Variants in FMNL2 observed in about 807,000 individuals in gnomAD.
The protein encoded by FMNL2 is formin-like protein 2.
In FMNL2, 51 loss-of-function variants were observed where a neutral mutation model predicts 130.2. The ratio of observed to expected loss-of-function variants is 0.39; its 90% CI spans 0.31 to 0.49. The LOEUF is 0.49. Ranked by LOEUF, FMNL2 falls within the 20% of genes least tolerant of loss-of-function variation. The pLI, the probability that FMNL2 is intolerant of heterozygous loss-of-function variation, is 0.85. For missense variants in FMNL2, 977 were observed against 1,316.2 expected, an observed-to-expected ratio of 0.74 and a Z score of 3.99; for synonymous variants, 465 against 467.1, an observed-to-expected ratio of 1.00 and a Z score of 0.06.
At chr2:152,549,169 A>G (rs1414615934) in intron 4 of FMNL2, 72 bp downstream of exon 4, 21 of 1,094,234 alleles carry the variant, frequency 1.9e-5, no homozygotes, top group Non-Finnish European at 2.6e-5. Flanking sequence ...ATCATACCCA[A>G]AGAATTGAGC....
At chr2:152,452,942 G>A (rs1688727053) in intron 1 of FMNL2, among the ~76,000 whole-genome samples, 1 of 152,164 alleles carries the variant, frequency 6.6e-6, no homozygotes, top group Admixed American at 6.5e-5. Flanking sequence ...GGTGGCTTAT[G>A]CCTGTAATCC....
At chr2:152,386,517 A>G (rs1394092301) in intron 1 of FMNL2, among the ~76,000 whole-genome samples, 1 of 14,752 alleles carries the variant, frequency 6.8e-5, no homozygotes, top group Non-Finnish European at 2.9e-4. Flanking sequence ...TCATTAACTC[A>G]TTCAAACTCT....
intron 25 of FMNL2, among the ~76,000 whole-genome samples, chr2:152,644,989 T>C (rs1683421794): frequency 1.3e-5 from 2 of 152,318 alleles, no homozygotes; most frequent in South Asian, 2.1e-4. Flanking sequence ...TGTGCTGAGA[T>C]TGACATGGAA....
chr2:152,463,772 G>A (rs1242463835), intron 1 of FMNL2, among the ~76,000 whole-genome samples: 1 of 152,122 alleles, frequency 6.6e-6, no homozygotes, highest in Non-Finnish European at 1.5e-5. Context: ...TAGAGCTCCC[G>A]GTACTACTCA....
At chr2:152,612,124 T>C (rs1289856755) in intron 11 of FMNL2, among the ~76,000 whole-genome samples, 1 of 152,222 alleles carries the variant, frequency 6.6e-6, no homozygotes. Context: ...TTTTAGTTCT[T>C]AGGAGAAGGA....
chr2:152,620,021 A>G (rs983958051), intron 15 of FMNL2, among the ~76,000 whole-genome samples: 3 of 151,566 alleles, frequency 2.0e-5, no homozygotes, highest in African/African-American at 7.3e-5. Context: ...CTGCTTGAGG[A>G]TCAGTGCATT....
At chr2:152,507,240 G>T (rs1373930037) in intron 1 of FMNL2, among the ~76,000 whole-genome samples, 1 of 152,152 alleles carries the variant, frequency 6.6e-6, no homozygotes, top group East Asian at 1.9e-4. Flanking sequence ...TCATTATTTG[G>T]CTGTTAGCTA....
chr2:152,455,800 G>A (rs1168678752), intron 1 of FMNL2, among the ~76,000 whole-genome samples: 1 of 152,140 alleles, frequency 6.6e-6, no homozygotes, highest in Non-Finnish European at 1.5e-5. Context: ...CTGCAACCTT[G>A]ACCTCCTGGG....
rs146283977 is a variant in FMNL2 at position 152,644,501 on chromosome 2, G to C, written c.3170-3295G>C. ...TAACACAGGGAGCCCTTTTAACCTA[G>C]CTTGTATATGTAGATATAGGCAATC... On this transcript the variant is annotated intron_variant, in intron 25 of 25. Transcript: ENST00000288670. Among the ~76,000 whole-genome samples, 1,276 of 152,244 alleles carry C rather than the reference G, an allele frequency of 8.4e-3. 16 individuals carry two copies. The highest frequency in any genetic ancestry group is 0.029 in the African/African-American group (1,190 of 41,524).
intron 9 of FMNL2, among the ~76,000 whole-genome samples, chr2:152,588,099 C>A (rs1441613038): frequency 6.6e-6 from 1 of 152,222 alleles, no homozygotes; most frequent in East Asian, 1.9e-4. Context: ...CAAATGACTA[C>A]AAACTTAGTG....
intron 4 of FMNL2, among the ~76,000 whole-genome samples, chr2:152,554,510 A>G (rs1268912592): frequency 6.6e-6 from 1 of 152,242 alleles, no homozygotes; most frequent in South Asian, 2.1e-4. Context: ...GGAAGATCAG[A>G]ATAACTCAGT....
chr2:152,343,443 G>A (rs565740088), intron 1 of FMNL2, among the ~76,000 whole-genome samples: 22 of 152,156 alleles, frequency 1.4e-4, no homozygotes, highest in African/African-American at 4.3e-4. Flanking sequence ...TTACAGGCAC[G>A]CACCACCACA....
chr2:152,543,959 T>C (rs1694474406), intron 3 of FMNL2, among the ~76,000 whole-genome samples: 1 of 152,136 alleles, frequency 6.6e-6, no homozygotes, highest in Non-Finnish European at 1.5e-5. Context: ...ATGATACTTC[T>C]CCCCTCGTAA....
chr2:152,591,537 G>A (rs62179589), intron 9 of FMNL2, among the ~76,000 whole-genome samples: 1 of 152,230 alleles, frequency 6.6e-6, no homozygotes, highest in Non-Finnish European at 1.5e-5. Context: ...CAGGCGCAAC[G>A]GCTCATGCCG....
At chr2:152,478,965 A>C (rs1456249345) in intron 1 of FMNL2, among the ~76,000 whole-genome samples, 1 of 152,214 alleles carries the variant, frequency 6.6e-6, no homozygotes, top group African/African-American at 2.4e-5. Context: ...TCTCAAGAAG[A>C]ATAACAAATA....
chr2:152,477,627 G>A (rs4613221), intron 1 of FMNL2, among the ~76,000 whole-genome samples: 43,894 of 151,748 alleles, frequency 0.29, 6,662 homozygotes, highest in East Asian at 0.57. Flanking sequence ...TGGTCTATTT[G>A]CAGCTTCTCA....
intron 9 of FMNL2, among the ~76,000 whole-genome samples, chr2:152,587,637 T>C (rs930590166): frequency 1.3e-5 from 2 of 152,234 alleles, no homozygotes; most frequent in African/African-American, 4.8e-5. Context: ...TCATAGGATG[T>C]CCAAGTTTAT....
chr2:152,516,728 A>G (rs1453447757), intron 1 of FMNL2, among the ~76,000 whole-genome samples: 2 of 152,186 alleles, frequency 1.3e-5, no homozygotes, highest in Non-Finnish European at 2.9e-5. Context: ...CTGATATCAG[A>G]AAACTCTGTT....
chr2:152,458,938 C>CCCTTAAACAAA (rs1454321748), intron 1 of FMNL2, among the ~76,000 whole-genome samples: 1 of 152,174 alleles, frequency 6.6e-6, no homozygotes, highest in African/African-American at 2.4e-5. Flanking sequence ...CCAAACTGTG[C>CCCTTAAACAAA]ACCATCGTTT....
Sources: gnomAD v4.1 joint callset for allele counts (sites outside exome capture counted in the v4.1 genomes callset) on GRCh38, gnomAD v4.1.1 for gene constraint, MANE v1.5 for transcripts, NCBI Gene and HGNC (gene_info 2026-07-23, HGNC 2026-07-21) for gene names.